Variants in SGCZ observed in about 807,000 individuals in gnomAD.
The protein encoded by SGCZ is zeta-sarcoglycan.
SGCZ carries 40 observed loss-of-function variants against 41.3 expected under a neutral mutation model. The observed-to-expected ratio is 0.97, with a 90% CI of 0.75 to 1.26. The LOEUF is 1.26. Ranked by LOEUF, SGCZ falls within the 50% of genes most tolerant of loss-of-function variation. SGCZ has a pLI of 0.00. For synonymous variants in SGCZ, 206 were observed against 137.5 expected, an observed-to-expected ratio of 1.50 and a Z score of -3.49; for missense variants, 552 against 369.8, an observed-to-expected ratio of 1.49 and a Z score of -4.04.
At chr8:14,800,068 CTACCTATAAA>C (rs1163835896) in intron 1 of SGCZ, among the ~76,000 whole-genome samples, 18 of 150,046 alleles carry the variant, frequency 1.2e-4, no homozygotes, top group African/African-American at 4.1e-4. Flanking sequence ...ATTATGTACT[CTACCTATAAA>C]GAATATTCTT....
intron 1 of SGCZ, among the ~76,000 whole-genome samples, chr8:14,646,331 C>A (rs1467398126): frequency 1.3e-5 from 2 of 151,942 alleles, no homozygotes; most frequent in African/African-American, 4.8e-5. Flanking sequence ...CATTAATTCA[C>A]TTAGGATAAT....
At chr8:14,877,267 C>A (rs1008137318) in intron 1 of SGCZ, among the ~76,000 whole-genome samples, 2 of 152,150 alleles carry the variant, frequency 1.3e-5, no homozygotes, top group Non-Finnish European at 2.9e-5. Flanking sequence ...GCCACCACAC[C>A]AAGCCAGAGC....
chr8:14,559,507 C>A (rs1288533951), intron 1 of SGCZ, among the ~76,000 whole-genome samples: 1 of 152,028 alleles, frequency 6.6e-6, no homozygotes, highest in Non-Finnish European at 1.5e-5. Flanking sequence ...GGAAACACAT[C>A]CCATGCTCAT....
intron 1 of SGCZ, among the ~76,000 whole-genome samples, chr8:14,568,878 AAG>A (rs374885866): frequency 1.1e-3 from 169 of 152,350 alleles, no homozygotes; most frequent in African/African-American, 3.6e-3. Context: ...TATGTGCAGA[AAG>A]AGTATAATTC....
chr8:14,406,319 T>C (rs1563308789), intron 2 of SGCZ, among the ~76,000 whole-genome samples: 1 of 152,130 alleles, frequency 6.6e-6, no homozygotes, highest in Non-Finnish European at 1.5e-5. Context: ...CTATTCACTT[T>C]CTTATCAAAT....
chr8:14,849,395 C>G (rs1563313635), intron 1 of SGCZ, among the ~76,000 whole-genome samples: 1 of 150,624 alleles, frequency 6.6e-6, no homozygotes, highest in Non-Finnish European at 1.5e-5. Flanking sequence ...TTCATAGCAG[C>G]TTTTTTTTTG....
chr8:15,060,028 C>G (rs1371878007), intron 1 of SGCZ, among the ~76,000 whole-genome samples: 1 of 152,150 alleles, frequency 6.6e-6, no homozygotes, highest in African/African-American at 2.4e-5. Context: ...ATTCTCAGGG[C>G]TTTGTTTGCA....
intron 1 of SGCZ, among the ~76,000 whole-genome samples, chr8:15,132,286 T>A (rs1441446213): frequency 2.6e-5 from 4 of 152,220 alleles, no homozygotes; most frequent in African/African-American, 9.6e-5. Context: ...ATCTTTTACT[T>A]GCCTGTAGAC....
chr8:14,732,826 G>T (rs1376160267), intron 1 of SGCZ, among the ~76,000 whole-genome samples: 1 of 152,050 alleles, frequency 6.6e-6, no homozygotes, highest in Non-Finnish European at 1.5e-5. Flanking sequence ...TTAAAAAAAA[G>T]ACATAACTAT....
At chr8:14,628,491 C>A (rs556591276) in intron 1 of SGCZ, among the ~76,000 whole-genome samples, 1 of 152,112 alleles carries the variant, frequency 6.6e-6, no homozygotes, top group East Asian at 1.9e-4. Flanking sequence ...CAAAAGTAAT[C>A]ATCTCAAGAC....
At chr8:14,103,391 A>G (rs981854132) in intron 6 of SGCZ, among the ~76,000 whole-genome samples, 4 of 152,150 alleles carry the variant, frequency 2.6e-5, no homozygotes, top group African/African-American at 9.7e-5. Context: ...TTGGGGATGC[A>G]CCTGCCTGTG....
chr8:14,138,476 A>C (rs1320343639), intron 5 of SGCZ, among the ~76,000 whole-genome samples: 1 of 151,522 alleles, frequency 6.6e-6, no homozygotes, highest in East Asian at 1.9e-4. Context: ...GCTCAAAATA[A>C]AGGGATGGAG....
chr8:14,364,304 G>T (rs966816136), intron 2 of SGCZ, among the ~76,000 whole-genome samples: 1 of 151,936 alleles, frequency 6.6e-6, no homozygotes, highest in South Asian at 2.1e-4. Context: ...GCTTCTCATT[G>T]CCTGCTATCA....
chr8:14,384,812 G>C (rs1269686924), intron 2 of SGCZ, among the ~76,000 whole-genome samples: 1 of 152,178 alleles, frequency 6.6e-6, no homozygotes, highest in African/African-American at 2.4e-5. Context: ...TGGCTTCCCA[G>C]AGTGCTAGGG....
chr8:14,204,405 G>T lies in SGCZ; in HGVS notation c.424+33187C>A, dbSNP rs73528711. ...CTGATTTGAGAGGCAAATTATTTGA[G>T]CAGCTCAGGTCTACTATGGGTGAAT... is the stretch of plus-strand genomic sequence containing the variant. On this transcript the variant is annotated intron_variant, in intron 4 of 7. Transcript: ENST00000382080. Among the ~76,000 whole-genome samples the T allele has an allele frequency of 5.8e-3, 880 of 152,100 alleles. 8 individuals carry two copies. The highest frequency in any genetic ancestry group is 0.02 in the African/African-American group (844 of 41,486).
chr8:15,050,155 G>GA (rs1285154234), intron 1 of SGCZ, among the ~76,000 whole-genome samples: 2 of 152,142 alleles, frequency 1.3e-5, no homozygotes, highest in African/African-American at 4.8e-5. Flanking sequence ...GTGGGTAACA[G>GA]AAAATGATAA....
rs544895634 is a variant in SGCZ, at chr8:14,736,073, C to A, written c.40-181147G>T. ...TTCTACTCTGCATTTAAGCCCTCATCTAATGTCTACAGATTATAGACTATC... is the reference window on the plus strand; with the variant it reads ...TTCTACTCTGCATTTAAGCCCTCATATAATGTCTACAGATTATAGACTATC... On this transcript the variant is annotated intron_variant, in intron 1 of 7. Transcript: ENST00000382080. Among the ~76,000 whole-genome samples the A allele has an allele frequency of 3.5e-4, 53 of 152,250 alleles. 1 individual carries two copies. The South Asian group carries it at 9.5e-3, about 27-fold the overall frequency.
chr8:14,595,400 A>C (rs866393407), intron 1 of SGCZ, among the ~76,000 whole-genome samples: 1 of 136,314 alleles, frequency 7.3e-6, no homozygotes, highest in Non-Finnish European at 1.6e-5. Flanking sequence ...AACATGCACA[A>C]ACACACACAC....
chr8:14,298,973 G>T (rs940677760), intron 3 of SGCZ, among the ~76,000 whole-genome samples: 4 of 151,982 alleles, frequency 2.6e-5, no homozygotes, highest in South Asian at 2.1e-4. Flanking sequence ...ACTATCAAGA[G>T]AGTATTATAT....
Sources: allele counts gnomAD v4.1 joint callset (sites outside exome capture counted in the v4.1 genomes callset), GRCh38; gene constraint gnomAD v4.1.1; transcripts MANE v1.5; gene names NCBI Gene and HGNC (gene_info 2026-07-23, HGNC 2026-07-21).